RFX2: variants seen among roughly 807,000 people sequenced by gnomAD.
The protein encoded by RFX2 is DNA-binding protein RFX2.
A neutral mutation model predicts 87.8 loss-of-function variants in RFX2; 20 were observed. The observed-to-expected ratio is 0.23, with a 90% confidence interval of 0.16 to 0.33. The LOEUF is 0.33. RFX2 is among the 10% of genes least tolerant of loss of function. The pLI is 1.00. For synonymous variants in RFX2, 397 were observed against 431.3 expected, an observed-to-expected ratio of 0.92 and a Z score of 0.98; for missense variants, 767 against 1,012.3, an observed-to-expected ratio of 0.76 and a Z score of 3.29.
chr19:6,033,615 CAA>C (rs34581899), intron 5 of RFX2, among the ~76,000 whole-genome samples: 9 of 60,422 alleles, frequency 1.5e-4, no homozygotes, highest in Non-Finnish European at 2.3e-4. Flanking sequence ...CCCACCTTTG[CAA>C]AAAAAAAAAA....
At position 6,074,600 on chromosome 19, in the gene RFX2, G is replaced by C. The variant is rs141373646; in HGVS notation, c.-8-27096C>G. On this transcript the variant is annotated intron_variant, in intron 1 of 17. Transcript: ENST00000303657. This position sits in a 1 kb window ranked among gnomAD's most constrained non-coding sequence, Gnocchi z 5.2. The stretch of plus-strand genomic sequence containing the variant: ...ATTGAGTCCCTGACCATGTGGGGCT[G>C]ACCCCTCAGGGAGAGACAGACGACA... 6.6e-6 allele frequency among the ~76,000 whole-genome samples: 1 copy of C among 152,364 alleles called. No individual in the cohort carries two copies. Among genetic ancestry groups the C allele is most frequent in the Non-Finnish European group, 1.5e-5 (1 of 68,040 alleles).
chr19:6,004,055 T>A lies in RFX2; in HGVS notation c.1500+146A>T. 3.0e-6 allele frequency: 2 copies of A among 667,456 alleles called. No individual in the cohort carries two copies. Among genetic ancestry groups the A allele is most frequent in the Non-Finnish European group, 5.4e-6 (2 of 368,034 alleles). 41.3% of individuals were successfully genotyped at this position (667,456 alleles called of 1,614,324 possible). A position where few individuals can be genotyped will look rare whatever the true frequency, so the allele number is the denominator to read the frequency against. On this transcript the variant is annotated intron_variant, in intron 13 of 17. Transcript: ENST00000303657. This position sits in a 1 kb window ranked among gnomAD's most constrained non-coding sequence, Gnocchi z 4.8. ...CAGCACTGACGCGTCACCGGCAGTG[T>A]GCTCAGGGCTTCCTGAAGGGATCGG...
Position 5,997,526 on chromosome 19 carries a change from G to A in RFX2, c.1860-313C>T, listed in dbSNP as rs934851520. 4.6e-5 allele frequency among the ~76,000 whole-genome samples: 7 copies of A among 152,244 alleles called. No homozygotes were observed. The highest frequency in any genetic ancestry group is 8.8e-5 in the Non-Finnish European group (6 of 68,038). Reference sequence around the variant, plus strand: ...AACTGTGGCTGGTGCTAGCGCAGGCGCTAGATGGGATCTTAGCTGGTGAGT... The same window carrying A: ...AACTGTGGCTGGTGCTAGCGCAGGCACTAGATGGGATCTTAGCTGGTGAGT... On this transcript the variant is annotated intron_variant, in intron 15 of 17. Transcript: ENST00000303657. The surrounding 1 kb of genome is among the most constrained non-coding windows in gnomAD (Gnocchi z 4.2).
At position 6,010,091 on chromosome 19, in the gene RFX2, C is replaced by T. The variant is rs767591473; in HGVS notation, c.1015+45G>A. Reference sequence around the variant, plus strand: ...CTGGTGTTGAAACCCAGGAGTGTGGCGAGCAGATGGGAGCCCCGCCCCCGG... The same window carrying T: ...CTGGTGTTGAAACCCAGGAGTGTGGTGAGCAGATGGGAGCCCCGCCCCCGG... On this transcript the variant is annotated intron_variant, in intron 9 of 17. Coordinates refer to ENST00000303657, the MANE Select transcript of RFX2 (RefSeq NM_000635.4). This position sits in a 1 kb window ranked among gnomAD's most constrained non-coding sequence, Gnocchi z 5.0. 1.5e-5 allele frequency: 19 copies of T among 1,247,934 alleles called. No homozygotes were observed. The highest frequency in any genetic ancestry group is 1.3e-4 in the South Asian group (10 of 76,902). The allele number at this position is 1,247,934 out of a possible 1,614,324, so 77.3% of individuals were successfully genotyped here.
chr19:6,078,587 C>T (rs765311737), intron 1 of RFX2, among the ~76,000 whole-genome samples: 17 of 151,970 alleles, frequency 1.1e-4, no homozygotes, highest in South Asian at 4.1e-4. Context: ...TTGAAAAAAC[C>T]CCAGCTATAC....
intron 1 of RFX2, among the ~76,000 whole-genome samples, chr19:6,069,056 C>A (rs1425946984): frequency 6.6e-6 from 1 of 152,072 alleles, no homozygotes; most frequent in East Asian, 1.9e-4. Flanking sequence ...AGGATGAGGT[C>A]AGGAAAATTA....
intron 9 of RFX2, among the ~76,000 whole-genome samples, chr19:6,008,526 C>T (rs1036798710): frequency 3.3e-5 from 5 of 151,654 alleles, no homozygotes; most frequent in African/African-American, 7.3e-5. Context: ...GTGGGCGCCA[C>T]GATGCCAGCT....
rs908584670 is a variant in RFX2, at chr19:6,017,780, A to T, written c.598-1509T>A. Among the ~76,000 whole-genome samples, 2 of 151,810 alleles carry T rather than the reference A, an allele frequency of 1.3e-5. No individual in the cohort carries two copies. Among genetic ancestry groups the T allele is most frequent in the African/African-American group, 2.4e-5 (1 of 41,354 alleles). On this transcript the variant is annotated intron_variant, in intron 6 of 17. Coordinates refer to ENST00000303657, the MANE Select transcript of RFX2 (RefSeq NM_000635.4). The surrounding 1 kb of genome is among the most constrained non-coding windows in gnomAD (Gnocchi z 4.1). ...GCTCCTGCACAGCCCTTGGCCTGGGAAGCCCTTGTCCCTGTGCCCCGCACA... is the reference window on the plus strand; with the variant it reads ...GCTCCTGCACAGCCCTTGGCCTGGGTAGCCCTTGTCCCTGTGCCCCGCACA...
At chr19:6,065,875 G>A (rs986231123) in intron 1 of RFX2, among the ~76,000 whole-genome samples, 45 of 152,108 alleles carry the variant, frequency 3.0e-4, no homozygotes, top group African/African-American at 9.6e-4. Context: ...GCACTTTTGC[G>A]GCTGTTGCTG....
At chr19:6,066,028 T>C (rs1187776344) in intron 1 of RFX2, among the ~76,000 whole-genome samples, 1 of 152,112 alleles carries the variant, frequency 6.6e-6, no homozygotes, top group East Asian at 1.9e-4. Context: ...AAGAAATGTG[T>C]CACCCGCTCT....
At chr19:6,042,476 C>T (rs2087124786) in intron 3 of RFX2, among the ~76,000 whole-genome samples, 2 of 151,886 alleles carry the variant, frequency 1.3e-5, no homozygotes, top group Admixed American at 1.3e-4. Flanking sequence ...CCTTGGCTCA[C>T]AGGACTGTCC....
In RFX2 at chr19:5,999,978, GTTC is replaced by G. The variant is rs1241928981; in HGVS notation, c.1859+1834_1859+1836del. 6.6e-6 allele frequency among the ~76,000 whole-genome samples: 1 copy of G among 151,440 alleles called. No homozygotes were observed. Among genetic ancestry groups the G allele is most frequent in the Non-Finnish European group, 1.5e-5 (1 of 67,814 alleles). On this transcript the variant is annotated intron_variant, in intron 15 of 17. Coordinates refer to ENST00000303657, the MANE Select transcript of RFX2 (RefSeq NM_000635.4). The surrounding 1 kb of genome is among the most constrained non-coding windows in gnomAD (Gnocchi z 4.1). ...GGCCAGCTGAGGGGTCAGCAAACTT[GTTC>G]TTATTTTTTTTTTTTTTCTTGAGAT...
chr19:6,103,371 T>A (rs1301846430), intron 1 of RFX2, among the ~76,000 whole-genome samples: 1 of 152,194 alleles, frequency 6.6e-6, no homozygotes, highest in Non-Finnish European at 1.5e-5. Context: ...AAGACCTATG[T>A]ATCATAAAAC....
chr19:6,026,881 G>A lies in RFX2; in HGVS notation c.523-644C>T, dbSNP rs557800565. ...AGAGAAAAGAGTTTTGGAAGAAAGA[G>A]TTGGGCAGCTAACAGCAGAACTTCC... On this transcript the variant is annotated intron_variant, in intron 5 of 17. Transcript: ENST00000303657. This position sits in a 1 kb window ranked among gnomAD's most constrained non-coding sequence, Gnocchi z 4.5. Among the ~76,000 whole-genome samples, 2 of 152,348 alleles carry A rather than the reference G, an allele frequency of 1.3e-5. No homozygotes were observed. Among genetic ancestry groups the A allele is most frequent in the Non-Finnish European group, 2.9e-5 (2 of 68,032 alleles).
chr19:5,997,240 G>A lies in RFX2; in HGVS notation c.1860-27C>T. The A allele has an allele frequency of 6.3e-7, 1 of 1,598,776 alleles. No individual in the cohort carries two copies. Among genetic ancestry groups the A allele is most frequent in the Non-Finnish European group, 8.5e-7 (1 of 1,176,238 alleles). ...TGGGGACAAGCGGACAGAGGCTGGG[G>A]ACCCTCAGGGGAGCATGGAACCCGG... is the stretch of plus-strand genomic sequence containing the variant. On this transcript the variant is annotated intron_variant, in intron 15 of 17. Coordinates refer to ENST00000303657, the MANE Select transcript of RFX2 (RefSeq NM_000635.4). The surrounding 1 kb of genome is among the most constrained non-coding windows in gnomAD (Gnocchi z 4.2).
intron 1 of RFX2, among the ~76,000 whole-genome samples, chr19:6,051,671 C>T (rs2087268006): frequency 6.6e-6 from 1 of 152,024 alleles, no homozygotes; most frequent in Admixed American, 6.6e-5. Context: ...GGCAGAATTG[C>T]TTTGCTAAAT....
chr19:6,079,299 A>G (rs930366626), intron 1 of RFX2, among the ~76,000 whole-genome samples: 2 of 152,240 alleles, frequency 1.3e-5, no homozygotes, highest in Admixed American at 6.5e-5. Context: ...GAGAAAATAT[A>G]CCAGACAAAC....
rs1423098515 is a variant in RFX2, at chr19:6,056,925, C to T, written c.-8-9421G>A. 2.0e-5 allele frequency among the ~76,000 whole-genome samples: 3 copies of T among 152,182 alleles called. No homozygotes were observed. The highest frequency in any genetic ancestry group is 4.8e-5 in the African/African-American group (2 of 41,458). On this transcript the variant is annotated intron_variant, in intron 1 of 17. Transcript: ENST00000303657. The surrounding 1 kb of genome is among the most constrained non-coding windows in gnomAD (Gnocchi z 4.6). ...ACCCAGCCTGGCCCTGCCTGGCCAA[C>T]GGGCTTGGCTGGCCCAAAGCTCCCT... is the stretch of plus-strand genomic sequence containing the variant.
Position 6,004,847 on chromosome 19 carries a change from G to A in RFX2, c.1403-549C>T, listed in dbSNP as rs1426187703. Among the ~76,000 whole-genome samples the A allele has an allele frequency of 3.3e-5, 5 of 152,148 alleles. No homozygotes were observed. The highest frequency in any genetic ancestry group is 1.9e-4 in the East Asian group (1 of 5,182). On this transcript the variant is annotated intron_variant, in intron 12 of 17. Transcript: ENST00000303657. The surrounding 1 kb of genome is among the most constrained non-coding windows in gnomAD (Gnocchi z 4.8). ...ACAAAAACAGAAAAAGGCCAGGTGT[G>A]GTGGCTGACGCCTGTAGTCCCAGCA...
Sources: allele counts gnomAD v4.1 joint callset (sites outside exome capture counted in the v4.1 genomes callset), GRCh38; gene constraint gnomAD v4.1.1; non-coding constraint Gnocchi (gnomAD v3.1); transcripts MANE v1.5; gene names NCBI Gene and HGNC (gene_info 2026-07-23, HGNC 2026-07-21).